PAQR5: variants seen among roughly 807,000 people sequenced by gnomAD.
The protein encoded by PAQR5 is membrane progestin receptor gamma.
PAQR5 carries 20 observed loss-of-function variants against 34.5 expected under a neutral mutation model. The ratio of observed to expected loss-of-function variants is 0.58; its 90% confidence interval spans 0.41 to 0.84. The LOEUF is 0.84. Among genes scored for constraint, PAQR5 ranks in the 40% least tolerant of loss-of-function variants. PAQR5 has a pLI of 0.00. For missense variants in PAQR5, 378 were observed against 412.7 expected (o/e 0.92, Z 0.73); for synonymous variants, 131 against 155.6 (o/e 0.84, Z 1.18).
At position 69,404,966 on chromosome 15, in the gene PAQR5, G is replaced by A; in HGVS notation, c.*1144G>A. On this transcript the variant is annotated 3_prime_UTR_variant, in exon 9 of 9. Transcript: ENST00000395407. ...AGGCCAAACTTGAAGAACTGCTGGT[G>A]TTACATGTTCCAAAAGGCATTAGAC... 7.5e-6 allele frequency: 3 copies of A among 398,620 alleles called. No individual in the cohort carries two copies. The highest frequency in any genetic ancestry group is 1.3e-5 in the Non-Finnish European group (3 of 226,048). The allele number at this position is 398,620 out of a possible 1,614,324, so 24.7% of individuals were successfully genotyped here. A position where few individuals can be genotyped will look rare whatever the true frequency, so the allele number is the denominator to read the frequency against.
rs923717144 is a variant in PAQR5 at position 69,403,701 on chromosome 15, C to T, written c.872C>T (p.Ser291Phe). ...CTCCTGGCCACCTCCAAGCCCTTCT[C>T]TTTCTCTCAGATAGCTGGAGCCATA... ...EWLLATSKPFSFSQIAGAILL... is the reference protein window; with the variant it reads ...EWLLATSKPFFFSQIAGAILL... The change falls in exon 9 of 9, where the codon TCT (serine) becomes TTT (phenylalanine). Residue 291 changes from serine to phenylalanine, a missense_variant. By Grantham distance (155) the Ser-to-Phe change is radical. Coordinates refer to ENST00000395407, the MANE Select transcript of PAQR5 (RefSeq NM_017705.4). 6.2e-7 allele frequency: 1 copy of T among 1,614,206 alleles called. No homozygotes were observed. The highest frequency in any genetic ancestry group is 8.5e-7 in the Non-Finnish European group (1 of 1,180,040).
intron 2 of PAQR5, among the ~76,000 whole-genome samples, chr15:69,347,617 C>T (rs369996475): frequency 2.6e-5 from 4 of 152,162 alleles, no homozygotes; most frequent in African/African-American, 9.7e-5. Flanking sequence ...AAAGTGGTCT[C>T]TGGGTGTCTT....
intron 1 of PAQR5, among the ~76,000 whole-genome samples, chr15:69,312,114 G>A (rs28736691): frequency 0.065 from 9,893 of 152,152 alleles, 1,079 homozygotes; most frequent in African/African-American, 0.23. Context: ...GCAGGGGAGT[G>A]TGTGGGTGTG....
At chr15:69,375,492 G>A (rs1264787390) in intron 3 of PAQR5, among the ~76,000 whole-genome samples, 2 of 152,118 alleles carry the variant, frequency 1.3e-5, no homozygotes, top group Admixed American at 6.6e-5. Context: ...GCACTTTAAC[G>A]AAGAAGAATC....
intron 6 of PAQR5, chr15:69,392,091 T>A (rs1439548653): frequency 4.3e-6 from 1 of 231,420 alleles, no homozygotes; most frequent in East Asian, 1.5e-4. Flanking sequence ...CAAGATGGCT[T>A]CCCCATGAGC....
intron 1 of PAQR5, among the ~76,000 whole-genome samples, chr15:69,312,867 C>T (rs778373846): frequency 6.6e-6 from 1 of 152,028 alleles, no homozygotes; most frequent in African/African-American, 2.4e-5. Context: ...TGGGGATTTG[C>T]CTGTTCTAAT....
intron 3 of PAQR5, among the ~76,000 whole-genome samples, chr15:69,369,192 T>G (rs1482528120): frequency 6.6e-6 from 1 of 152,370 alleles, no homozygotes; most frequent in African/African-American, 2.4e-5. Flanking sequence ...CTGTTTCTGC[T>G]GTTTCTCACT....
intron 1 of PAQR5, among the ~76,000 whole-genome samples, chr15:69,322,727 A>G (rs60227278): frequency 0.011 from 280 of 25,960 alleles, 16 homozygotes; most frequent in East Asian, 0.065. Flanking sequence ...AAGAAGAAGA[A>G]GAAGAAGAAG....
Position 69,384,897 on chromosome 15 carries a change from GTTCT to G in PAQR5, c.385+17_385+20del, listed in dbSNP as rs2056065813. 1 of 1,605,748 alleles carries G rather than the reference GTTCT, an allele frequency of 6.2e-7. No homozygotes were observed. The highest frequency in any genetic ancestry group is 1.3e-5 in the African/African-American group (1 of 74,776). Reference sequence around the variant, plus strand: ...CTTCAGCCTGGGTATGTGAGGCCTTGTTCTTGCTTTCCTTCCCCTGCAACCGGGC... The same window carrying G: ...CTTCAGCCTGGGTATGTGAGGCCTTGTGCTTTCCTTCCCCTGCAACCGGGC... On this transcript the variant is annotated intron_variant, in intron 5 of 8. Coordinates refer to ENST00000395407, the MANE Select transcript of PAQR5 (RefSeq NM_017705.4).
chr15:69,403,379 C>A lies in PAQR5; in HGVS notation c.752-202C>A, dbSNP rs528945032. Reference sequence around the variant, plus strand: ...CCATCAGACCCATGCACTGTTAATACCTATTCTCACCCCCTGCTTGAGGCA... The same window carrying A: ...CCATCAGACCCATGCACTGTTAATAACTATTCTCACCCCCTGCTTGAGGCA... On this transcript the variant is annotated intron_variant, in intron 8 of 8. Transcript: ENST00000395407. Among the ~76,000 whole-genome samples, 14 of 152,196 alleles carry A rather than the reference C, an allele frequency of 9.2e-5. No homozygotes were observed. The South Asian group carries it at 2.9e-3, about 32-fold the overall frequency.
intron 3 of PAQR5, among the ~76,000 whole-genome samples, chr15:69,363,552 T>G (rs2055302852): frequency 8.9e-6 from 1 of 112,686 alleles, no homozygotes; most frequent in African/African-American, 4.3e-5. Context: ...TGTTTTTGTT[T>G]TTTTTTTTTT....
rs1029055939 is a variant in PAQR5, at chr15:69,404,597, T to C, written c.*775T>C. ...GGTAAAATGTGTTAAACCATAAGAG[T>C]TGACTGAGTTAATCCCAATTGGTTG... On this transcript the variant is annotated 3_prime_UTR_variant, in exon 9 of 9. Transcript: ENST00000395407. 4 of 205,286 alleles carry C rather than the reference T, an allele frequency of 1.9e-5. No individual in the cohort carries two copies. Among genetic ancestry groups the C allele is most frequent in the Non-Finnish European group, 3.9e-5 (4 of 103,448 alleles). The allele number at this position is 205,286 out of a possible 1,614,324, so 12.7% of individuals were successfully genotyped here.
chr15:69,355,623 G>A (rs1351284566), intron 2 of PAQR5, among the ~76,000 whole-genome samples: 1 of 151,776 alleles, frequency 6.6e-6, no homozygotes, highest in East Asian at 1.9e-4. Flanking sequence ...GTTTCACCAT[G>A]TTGGTCAGGC....
rs75854940 is a variant in PAQR5, at chr15:69,311,948, G to A, written c.-277+12892G>A. On this transcript the variant is annotated intron_variant, in intron 1 of 8. Transcript: ENST00000395407. The stretch of plus-strand genomic sequence containing the variant: ...GAATGTAAGGGTCAGTAAACTGCAG[G>A]CCCAGTGAGGCTCCAGAGCCATCAG... Among the ~76,000 whole-genome samples, 757 of 152,294 alleles carry A rather than the reference G, an allele frequency of 5.0e-3. 8 individuals carry two copies. Among genetic ancestry groups the A allele is most frequent in the African/African-American group, 0.018 (733 of 41,556 alleles).
intron 1 of PAQR5, among the ~76,000 whole-genome samples, chr15:69,310,077 CA>C (rs2053798014): frequency 6.6e-6 from 1 of 151,340 alleles, no homozygotes; most frequent in Non-Finnish European, 1.5e-5. Context: ...CAAAACGAAA[CA>C]ACAACAACAA....
intron 7 of PAQR5, chr15:69,397,886 T>C (rs2056497291): frequency 5.4e-6 from 2 of 368,984 alleles, no homozygotes; most frequent in South Asian, 3.2e-5. Flanking sequence ...TTGGTGGCAC[T>C]TGAGGAGTGG....
chr15:69,366,308 A>G (rs867056785), intron 3 of PAQR5, among the ~76,000 whole-genome samples: 16 of 152,360 alleles, frequency 1.1e-4, no homozygotes, highest in Middle Eastern at 6.8e-3. Context: ...TGGCCAAATC[A>G]TAGTCTATTG....
chr15:69,388,060 G>A (rs1032997539), intron 5 of PAQR5, among the ~76,000 whole-genome samples: 6 of 152,110 alleles, frequency 3.9e-5, no homozygotes, highest in African/African-American at 7.2e-5. Flanking sequence ...CAGGAAACAC[G>A]GAAGGAACAT....
At chr15:69,360,251 C>A in intron 3 of PAQR5, 120 bp downstream of exon 3, 1 of 638,888 alleles carries the variant, frequency 1.6e-6, no homozygotes, top group Non-Finnish European at 2.8e-6. Flanking sequence ...CCTTCAAGGA[C>A]CCCTTCCCAC....
Sources: gnomAD v4.1 joint callset for allele counts (sites outside exome capture counted in the v4.1 genomes callset) on GRCh38, gnomAD v4.1.1 for gene constraint, MANE v1.5 for transcripts, NCBI Gene and HGNC (gene_info 2026-07-23, HGNC 2026-07-21) for gene names.